The following ZNF76 variants were observed in gnomAD, a reference collection of about 807,000 sequenced individuals.
ZNF76 encodes zinc finger protein 76, also known as zinc finger protein 523.
ZNF76 carries 66 observed loss-of-function variants against 66.9 expected under a neutral mutation model. The observed-to-expected ratio is 0.99, with a 90% CI of 0.81 to 1.21. The LOEUF (loss-of-function observed/expected upper bound fraction) is 1.21, where lower values mean the gene tolerates loss of function less well. Ranked by LOEUF, ZNF76 falls within the 50% of genes most tolerant of loss-of-function variation. ZNF76 has a pLI of 0.00. For missense variants in ZNF76, 729 were observed against 760.3 expected, an observed-to-expected ratio of 0.96 and a Z score of 0.48; for synonymous variants, 275 against 296.1, an observed-to-expected ratio of 0.93 and a Z score of 0.73.
chr6:35,263,676 G>A (rs1785569030), intron 1 of ZNF76, among the ~76,000 whole-genome samples: 2 of 152,182 alleles, frequency 1.3e-5, no homozygotes, highest in South Asian at 4.1e-4. Flanking sequence ...AACTTATTCT[G>A]CCTTGTATTT....
chr6:35,274,256 TTTG>T (rs1477740851), intron 1 of ZNF76, among the ~76,000 whole-genome samples: 3 of 152,252 alleles, frequency 2.0e-5, no homozygotes, highest in South Asian at 2.1e-4. Context: ...GGCAAATGTT[TTTG>T]TTGTTGTTTT....
rs1295766750 is a variant in ZNF76 at position 35,291,641 on chromosome 6, C to T, written c.835C>T (p.His279Tyr). The T allele has an allele frequency of 6.2e-7, 1 of 1,614,060 alleles. No homozygotes were observed. The highest frequency in any genetic ancestry group is 1.7e-5 in the Admixed American group (1 of 60,030). Residue 279 changes from histidine (H) to tyrosine (Y), a missense_variant, in exon 9 of 14, where the codon CAC becomes TAC. Physicochemically the swap from His to Tyr is moderately conservative, Grantham distance 83. Transcript: ENST00000373953. ...CATCCGCAAGGTACATGTGCGCACC[C>T]ACACAGGCGAGAGGCCCTACACCTG... ...SNIRKVHVRTHTGERPYTCPE... is the reference protein window; with the variant it reads ...SNIRKVHVRTYTGERPYTCPE...
At chr6:35,294,373 C>T (rs1790875017) in intron 12 of ZNF76, 83 bp from the exon 13 acceptor site, 15 of 970,406 alleles carry the variant, frequency 1.5e-5, no homozygotes, top group Non-Finnish European at 2.3e-5. Flanking sequence ...TTCCCAGCAC[C>T]TTAATTGGAG....
At chr6:35,273,452 C>T (rs1365016097) in intron 1 of ZNF76, among the ~76,000 whole-genome samples, 2 of 151,362 alleles carry the variant, frequency 1.3e-5, no homozygotes, top group African/African-American at 2.4e-5. Flanking sequence ...GGGTTATAGG[C>T]GTGAGCCACT....
chr6:35,269,280 C>CAAAA (rs10615994), intron 1 of ZNF76, among the ~76,000 whole-genome samples: 16 of 82,194 alleles, frequency 1.9e-4, no homozygotes, highest in Admixed American at 4.8e-4. Flanking sequence ...GACTCTGTCT[C>CAAAA]AAAAAAAAAA....
chr6:35,285,177 T>C (rs1016082542), intron 2 of ZNF76, among the ~76,000 whole-genome samples: 1 of 152,244 alleles, frequency 6.6e-6, no homozygotes, highest in African/African-American at 2.4e-5. Flanking sequence ...TTAGGAAATC[T>C]GGAGGCTTGT....
intron 2 of ZNF76, among the ~76,000 whole-genome samples, chr6:35,283,375 T>C: frequency 6.6e-6 from 1 of 152,244 alleles, no homozygotes; most frequent in East Asian, 1.9e-4. Context: ...CTCTGAAGCT[T>C]TTGACTGAGG....
rs150457131 is a variant in ZNF76 at position 35,291,697 on chromosome 6, C to T, written c.891C>T (p.Thr297=). The change falls in exon 9 of 14, where the codon ACC becomes ACT. Residue 297 remains threonine (T), a synonymous_variant. Coordinates refer to ENST00000373953, the MANE Select transcript of ZNF76 (RefSeq NM_003427.5). ...CPEPHCGRGF[T]SATNYKNHVR... ...AGCCCCACTGTGGCCGCGGCTTCAC[C>T]AGCGCCACCAACTATAAGAATCACG... 804 of 1,612,726 alleles carry T rather than the reference C, an allele frequency of 5.0e-4. 7 individuals carry two copies. The East Asian group carries it at 0.014, about 28-fold the overall frequency.
In ZNF76 at chr6:35,272,582, A is replaced by G. The variant is rs183866573; in HGVS notation, c.-96-8474A>G. Among the ~76,000 whole-genome samples the G allele has an allele frequency of 2.4e-4, 36 of 152,254 alleles. No homozygotes were observed. The East Asian group carries it at 6.6e-3, about 28-fold the overall frequency. Reference sequence around the variant, plus strand: ...GTAGTTAAAGGAAGAAAACTTCTTAAGGCAGTTCTCCACCTTGGTGTTTAT... The same window carrying G: ...GTAGTTAAAGGAAGAAAACTTCTTAGGGCAGTTCTCCACCTTGGTGTTTAT... On this transcript the variant is annotated intron_variant, in intron 1 of 13. Coordinates refer to ENST00000373953, the MANE Select transcript of ZNF76 (RefSeq NM_003427.5).
Position 35,281,238 on chromosome 6 carries a change from G to C in ZNF76, c.73+14G>C. On this transcript the variant is annotated intron_variant, in intron 2 of 13. Coordinates refer to ENST00000373953, the MANE Select transcript of ZNF76 (RefSeq NM_003427.5). ...AAGCTGTCAAAGGTAAGTATTTCTG[G>C]GGACCTCAGGATCCTGCCCTGTCCC... 1.2e-6 allele frequency: 2 copies of C among 1,612,354 alleles called. No individual in the cohort carries two copies. Among genetic ancestry groups the C allele is most frequent in the Non-Finnish European group, 1.7e-6 (2 of 1,179,362 alleles).
intron 1 of ZNF76, among the ~76,000 whole-genome samples, chr6:35,268,536 GCT>G (rs1271354437): frequency 6.6e-6 from 1 of 152,124 alleles, no homozygotes; most frequent in Admixed American, 6.5e-5. Flanking sequence ...GGGTGTAGTG[GCT>G]CACACCTGTA....
chr6:35,292,719 G>A lies in ZNF76; in HGVS notation c.1097G>A (p.Ser366Asn). 1.2e-6 allele frequency: 2 copies of A among 1,614,198 alleles called. No homozygotes were observed. Among genetic ancestry groups the A allele is most frequent in the South Asian group, 2.2e-5 (2 of 91,082 alleles). The change falls in exon 10 of 14, where the codon AGT (serine) becomes AAT (asparagine). Residue 366 changes from serine (S) to asparagine (N), a missense_variant. Transcript: ENST00000373953. This position sits in a 1 kb window ranked among gnomAD's most constrained non-coding sequence, Gnocchi z 4.7. ...QTSTLAMHKR[S>N]AHGELEATEE... Reference sequence around the variant, plus strand: ...TCCACCTTGGCCATGCACAAGCGCAGTGCCCACGGCGAGCTGGAGGCCACG... The same window carrying A: ...TCCACCTTGGCCATGCACAAGCGCAATGCCCACGGCGAGCTGGAGGCCACG...
In ZNF76 at chr6:35,292,501, T is replaced by A; in HGVS notation, c.932-53T>A. 2 of 1,603,086 alleles carry A rather than the reference T, an allele frequency of 1.2e-6. No individual in the cohort carries two copies. Among genetic ancestry groups the A allele is most frequent in the East Asian group, 4.5e-5 (2 of 44,708 alleles). On this transcript the variant is annotated intron_variant, in intron 9 of 13. Transcript: ENST00000373953. The surrounding 1 kb of genome is among the most constrained non-coding windows in gnomAD (Gnocchi z 4.7). ...CTGTCCCTCACCCCTGTCCCCTTAG[T>A]TTCCCCCTTGCCAGCCCCAGTTCCC...
At position 35,295,205 on chromosome 6, in the gene ZNF76, G is replaced by C; in HGVS notation, c.1670G>C (p.Gly557Ala). ...GTGGCCACTGCGGCCATGCAGCAAG[G>C]GGCTGTGACCCTGGAGACAACAGTG... ...INVATAAMQQ[G>A]AVTLETTVSE... is the part of the protein sequence containing the mutation. The change falls in exon 14 of 14, where the codon GGG (glycine) becomes GCG (alanine). Residue 557 changes from glycine to alanine, a missense_variant. Physicochemically the swap from Gly to Ala is moderately conservative, Grantham distance 60. Transcript: ENST00000373953. 3.1e-6 allele frequency: 5 copies of C among 1,611,696 alleles called. No homozygotes were observed. The highest frequency in any genetic ancestry group is 4.2e-6 in the Non-Finnish European group (5 of 1,179,036).
rs939146267 is a variant in ZNF76 at position 35,277,686 on chromosome 6, G to T, written c.-96-3370G>T. On this transcript the variant is annotated intron_variant, in intron 1 of 13. Coordinates refer to ENST00000373953, the MANE Select transcript of ZNF76 (RefSeq NM_003427.5). ...TTAATGTATGTGACATTCCTAGCAC[G>T]TGGTTAACTCTATAGTAGTGTTCAC... is the stretch of plus-strand genomic sequence containing the variant. 2.0e-5 allele frequency among the ~76,000 whole-genome samples: 3 copies of T among 152,334 alleles called. No homozygotes were observed. The South Asian group carries it at 6.2e-4, about 32-fold the overall frequency.
chr6:35,264,565 G>A (rs1388655429), intron 1 of ZNF76, among the ~76,000 whole-genome samples: 2 of 152,166 alleles, frequency 1.3e-5, no homozygotes, highest in African/African-American at 4.8e-5. Context: ...CCATTTTTGT[G>A]TATGTTGGAA....
intron 2 of ZNF76, among the ~76,000 whole-genome samples, chr6:35,282,187 G>A (rs919160732): frequency 1.3e-5 from 2 of 151,944 alleles, no homozygotes; most frequent in African/African-American, 4.8e-5. Context: ...ATAAATGTGG[G>A]ATTAAGCTGG....
chr6:35,290,656 C>T lies in ZNF76; in HGVS notation c.565C>T (p.His189Tyr). Reference sequence around the variant, plus strand: ...GTCCTCACAGGTGCATGAACGAGCTCATACAGGTGACCGTCCATACAGATG... The same window carrying T: ...GTCCTCACAGGTGCATGAACGAGCTTATACAGGTGACCGTCCATACAGATG... ...AHHLKVHERA[H>Y]TGDRPYRCDF... Residue 189 changes from histidine (H) to tyrosine (Y), a missense_variant, in exon 7 of 14, where the codon CAT (histidine) becomes TAT (tyrosine). Physicochemically the swap from His to Tyr is moderately conservative, Grantham distance 83 (BLOSUM62 2). Coordinates refer to ENST00000373953, the MANE Select transcript of ZNF76 (RefSeq NM_003427.5). 6.2e-7 allele frequency: 1 copy of T among 1,614,210 alleles called. No individual in the cohort carries two copies. The highest frequency in any genetic ancestry group is 8.5e-7 in the Non-Finnish European group (1 of 1,180,032).
In ZNF76 at chr6:35,292,623, A is replaced by C; in HGVS notation, c.1001A>C (p.Lys334Thr). The C allele has an allele frequency of 6.2e-7, 1 of 1,613,972 alleles. No individual in the cohort carries two copies. The highest frequency in any genetic ancestry group is 8.5e-7 in the Non-Finnish European group (1 of 1,180,004). The change falls in exon 10 of 14, where the codon AAG (lysine) becomes ACG (threonine). Residue 334 changes from lysine to threonine, a missense_variant. Physicochemically the swap from Lys to Thr is moderately conservative, Grantham distance 78. Transcript: ENST00000373953. This position sits in a 1 kb window ranked among gnomAD's most constrained non-coding sequence, Gnocchi z 4.7. ...TTCACCGAGTACTCGAGCTTGTATA[A>C]GCACCACGTGGTGCACACACACTGC... ...KRFTEYSSLY[K>T]HHVVHTHCKP...
Sources: allele counts gnomAD v4.1 joint callset (sites outside exome capture counted in the v4.1 genomes callset), GRCh38; gene constraint gnomAD v4.1.1; non-coding constraint Gnocchi (gnomAD v3.1); transcripts MANE v1.5; gene names NCBI Gene and HGNC (gene_info 2026-07-23, HGNC 2026-07-21).